ARB2A: variants seen among roughly 807,000 people sequenced by gnomAD.
The protein encoded by ARB2A is ARB2 cotranscriptional regulator A.
the ARB2A span, among the ~76,000 whole-genome samples, chr5:94,031,772 C>G: frequency 1.6e-4 from 24 of 152,344 alleles, no homozygotes; most frequent in Non-Finnish European, 2.4e-4. Context: ...TGTCTGCTTC[C>G]TGAATTCCAG....
chr5:93,650,061 A>T, the ARB2A span, among the ~76,000 whole-genome samples: 1 of 152,148 alleles, frequency 6.6e-6, no homozygotes, highest in East Asian at 1.9e-4. Flanking sequence ...TTACTGTTCT[A>T]CCTATGTTTG....
chr5:93,769,075 A>C, the ARB2A span, among the ~76,000 whole-genome samples: 2 of 152,222 alleles, frequency 1.3e-5, no homozygotes, highest in Non-Finnish European at 2.9e-5. Flanking sequence ...GGTAAGTAAC[A>C]TTCATAAAAT....
chr5:94,018,865 G>A, the ARB2A span, among the ~76,000 whole-genome samples: 1 of 151,974 alleles, frequency 6.6e-6, no homozygotes, highest in East Asian at 1.9e-4. Context: ...ACAATCCTAA[G>A]CAAAAAGAAC....
the ARB2A span, among the ~76,000 whole-genome samples, chr5:93,656,730 C>G: frequency 6.6e-6 from 1 of 152,168 alleles, no homozygotes; most frequent in Non-Finnish European, 1.5e-5. Context: ...GACAGACCAA[C>G]ACTACCCACA....
the ARB2A span, among the ~76,000 whole-genome samples, chr5:93,762,141 G>A: frequency 6.6e-6 from 1 of 152,322 alleles, no homozygotes; most frequent in East Asian, 1.9e-4. Context: ...AAAAATCAGA[G>A]TGCCTCTCCT....
chr5:93,636,874 G>A, the ARB2A span, among the ~76,000 whole-genome samples: 1 of 152,130 alleles, frequency 6.6e-6, no homozygotes, highest in Non-Finnish European at 1.5e-5. Context: ...CACTTTTTGA[G>A]ACAGTGTAGA....
chr5:93,788,360 G>A, the ARB2A span, among the ~76,000 whole-genome samples: 5 of 152,122 alleles, frequency 3.3e-5, no homozygotes, highest in Admixed American at 6.5e-5. Flanking sequence ...CGGGAGGGCC[G>A]GAGGCAGCAA....
the ARB2A span, among the ~76,000 whole-genome samples, chr5:94,086,346 GATT>G: frequency 2.0e-5 from 3 of 152,148 alleles, no homozygotes; most frequent in Admixed American, 1.3e-4. Context: ...GGCCCCATAG[GATT>G]ATAAGGAAGC....
At chr5:94,068,341 C>T in the ARB2A span, among the ~76,000 whole-genome samples, 6 of 152,346 alleles carry the variant, frequency 3.9e-5, no homozygotes, top group East Asian at 5.8e-4. Context: ...AGGAGCACAA[C>T]GGACACCTGC....
At chr5:93,627,657 G>A in the ARB2A span, among the ~76,000 whole-genome samples, 1 of 151,986 alleles carries the variant, frequency 6.6e-6, no homozygotes, top group Non-Finnish European at 1.5e-5. Flanking sequence ...GGTCAGGCTG[G>A]TCTTGAACTC....
the ARB2A span, among the ~76,000 whole-genome samples, chr5:93,656,100 TTGAC>T: frequency 6.6e-6 from 1 of 152,196 alleles, no homozygotes; most frequent in African/African-American, 2.4e-5. Flanking sequence ...TAAACATTTG[TTGAC>T]TGACTGACTG....
the ARB2A span, among the ~76,000 whole-genome samples, chr5:93,857,055 C>G: frequency 2.6e-5 from 4 of 152,258 alleles, no homozygotes; most frequent in East Asian, 5.8e-4. Flanking sequence ...CACTCCAGAC[C>G]CTATTTGCCT....
chr5:93,754,132 TG>T, the ARB2A span, among the ~76,000 whole-genome samples: 1 of 152,234 alleles, frequency 6.6e-6, no homozygotes, highest in African/African-American at 2.4e-5. Context: ...CTCTGCTTTA[TG>T]GTTACTGTAA....
the ARB2A span, among the ~76,000 whole-genome samples, chr5:94,046,176 A>T: frequency 9.7e-4 from 148 of 151,882 alleles, no homozygotes; most frequent in African/African-American, 3.5e-3. Context: ...GGAATATTAT[A>T]GCAAAGTATC....
chr5:93,775,825 AC>A, the ARB2A span, among the ~76,000 whole-genome samples: 31 of 152,236 alleles, frequency 2.0e-4, no homozygotes, highest in Non-Finnish European at 2.1e-4. Context: ...ACTCAGAGAC[AC>A]ATATCCTATG....
the ARB2A span, among the ~76,000 whole-genome samples, chr5:93,641,064 G>C: frequency 1.3e-5 from 2 of 151,924 alleles, no homozygotes; most frequent in Non-Finnish European, 2.9e-5. Context: ...GCCAGGCATG[G>C]TGGTGTGTGC....
the ARB2A span, among the ~76,000 whole-genome samples, chr5:93,960,026 C>G: frequency 6.9e-6 from 1 of 145,522 alleles, no homozygotes; most frequent in Non-Finnish European, 1.5e-5. Flanking sequence ...TTCACTTTGT[C>G]AACTGTATAT....
the ARB2A span, chr5:93,824,173 T>C: frequency 6.3e-7 from 1 of 1,595,530 alleles, no homozygotes. Flanking sequence ...AAGTCCTCCA[T>C]AGCTGTGAGC....
chr5:93,654,923 T>C, the ARB2A span, among the ~76,000 whole-genome samples: 3 of 152,184 alleles, frequency 2.0e-5, no homozygotes, highest in Non-Finnish European at 4.4e-5. Context: ...CTTTTTTGTG[T>C]CTGGTTCCTG....
Sources: allele counts gnomAD v4.1 joint callset (sites outside exome capture counted in the v4.1 genomes callset), GRCh38; gene constraint gnomAD v4.1.1; transcripts MANE v1.5; gene names NCBI Gene and HGNC (gene_info 2026-07-23, HGNC 2026-07-21).